LYPLAL1: variants seen among roughly 807,000 people sequenced by gnomAD.
LYPLAL1 encodes lysophospholipase like 1.
In LYPLAL1, 23 loss-of-function variants were observed where a neutral mutation model predicts 19.7. The ratio of observed to expected loss-of-function variants is 1.17; its 90% CI spans 0.84 to 1.65. The LOEUF is 1.65. Among genes scored for constraint, LYPLAL1 ranks in the 40% most tolerant of loss-of-function variants. LYPLAL1 has a pLI of 0.00. For missense variants in LYPLAL1, 355 were observed against 279.4 expected, an observed-to-expected ratio of 1.27 and a Z score of -1.93; for synonymous variants, 119 against 96.3, an observed-to-expected ratio of 1.24 and a Z score of -1.38.
Position 219,189,132 on chromosome 1 carries a change from T to C in LYPLAL1, c.192-3950T>C, listed in dbSNP as rs191409607. Among the ~76,000 whole-genome samples, 6 of 151,798 alleles carry C rather than the reference T, an allele frequency of 4.0e-5. No individual in the cohort carries two copies. The South Asian group carries it at 1.0e-3, about 26-fold the overall frequency. On this transcript the variant is annotated intron_variant, in intron 2 of 4. Coordinates refer to ENST00000366928, the MANE Select transcript of LYPLAL1 (RefSeq NM_138794.5). ...GCATCTATCTCTAATTAAGGCATTG[T>C]CAAAGAAAAAAGTTAAGTGAATGCC...
the LYPLAL1 span, among the ~76,000 whole-genome samples, chr1:219,434,498 C>T: frequency 1.3e-5 from 2 of 152,178 alleles, no homozygotes; most frequent in East Asian, 3.9e-4. Context: ...AAAGAGCTCT[C>T]CTCTGAATTT....
the LYPLAL1 span, among the ~76,000 whole-genome samples, chr1:219,302,592 T>C: frequency 6.6e-6 from 1 of 152,178 alleles, no homozygotes; most frequent in South Asian, 2.1e-4. Flanking sequence ...TTTTCATTTA[T>C]GGAATAAACA....
chr1:219,422,074 C>A, the LYPLAL1 span, among the ~76,000 whole-genome samples: 2 of 152,124 alleles, frequency 1.3e-5, no homozygotes, highest in Admixed American at 6.6e-5. Context: ...TTAAGAAACA[C>A]CACATACCAT....
the LYPLAL1 span, among the ~76,000 whole-genome samples, chr1:219,241,134 C>CTCTCTCTCTCTATATATA: frequency 1.5e-3 from 68 of 44,334 alleles, no homozygotes; most frequent in East Asian, 7.4e-3. Flanking sequence ...CTCTCTCTCT[C>CTCTCTCTCTCTATATATA]TATATATATA....
At chr1:219,411,428 A>C in the LYPLAL1 span, among the ~76,000 whole-genome samples, 1 of 152,028 alleles carries the variant, frequency 6.6e-6, no homozygotes, top group Non-Finnish European at 1.5e-5. Context: ...TGTGTGTGGA[A>C]ACTCTGTATC....
the LYPLAL1 span, among the ~76,000 whole-genome samples, chr1:219,440,461 C>T: frequency 6.6e-6 from 1 of 151,990 alleles, no homozygotes; most frequent in Non-Finnish European, 1.5e-5. Flanking sequence ...GAAAACATAA[C>T]ATCAAAGACC....
chr1:219,221,438 A>C, the LYPLAL1 span, among the ~76,000 whole-genome samples: 1 of 152,178 alleles, frequency 6.6e-6, no homozygotes, highest in Non-Finnish European at 1.5e-5. Flanking sequence ...CTATTTGACA[A>C]GTGAGCTTTT....
At chr1:219,324,461 C>T in the LYPLAL1 span, among the ~76,000 whole-genome samples, 4 of 152,138 alleles carry the variant, frequency 2.6e-5, no homozygotes, top group Admixed American at 2.0e-4. Context: ...GGTAGTGACT[C>T]GGCCCCTCTC....
At chr1:219,229,451 C>G in the LYPLAL1 span, among the ~76,000 whole-genome samples, 4 of 152,186 alleles carry the variant, frequency 2.6e-5, no homozygotes, top group Non-Finnish European at 4.4e-5. Context: ...GCTCCCCCAT[C>G]TGCTGAGAGC....
At chr1:219,197,268 A>G (rs1208506665) in intron 3 of LYPLAL1, among the ~76,000 whole-genome samples, 4 of 152,194 alleles carry the variant, frequency 2.6e-5, no homozygotes, top group African/African-American at 9.6e-5. Flanking sequence ...TGGCACTGGT[A>G]CAAAAACAGA....
At chr1:219,257,993 A>G in the LYPLAL1 span, among the ~76,000 whole-genome samples, 3 of 152,004 alleles carry the variant, frequency 2.0e-5, no homozygotes, top group African/African-American at 7.2e-5. Context: ...ACTTGCTGGG[A>G]AAAGAATTCA....
At chr1:219,239,643 A>G in the LYPLAL1 span, among the ~76,000 whole-genome samples, 1 of 152,220 alleles carries the variant, frequency 6.6e-6, no homozygotes, top group Non-Finnish European at 1.5e-5. Context: ...TTTAGGTATT[A>G]TATTCCAATT....
At chr1:219,274,315 C>T in the LYPLAL1 span, among the ~76,000 whole-genome samples, 2 of 152,130 alleles carry the variant, frequency 1.3e-5, no homozygotes, top group Admixed American at 6.5e-5. Context: ...CAAAAGGACA[C>T]CCAGAAATGA....
chr1:219,190,216 A>G (rs1657042921), intron 2 of LYPLAL1, among the ~76,000 whole-genome samples: 1 of 151,606 alleles, frequency 6.6e-6, no homozygotes, highest in Non-Finnish European at 1.5e-5. Context: ...ATTAGAGGGA[A>G]GTCAGTTCAT....
chr1:219,388,410 G>A, the LYPLAL1 span, among the ~76,000 whole-genome samples: 3 of 152,098 alleles, frequency 2.0e-5, no homozygotes, highest in African/African-American at 7.2e-5. Flanking sequence ...CCACGCATAA[G>A]TTACAGGTTG....
the LYPLAL1 span, among the ~76,000 whole-genome samples, chr1:219,316,185 T>C: frequency 6.6e-6 from 1 of 152,214 alleles, no homozygotes. Flanking sequence ...AAATGTTTTT[T>C]CTGCATCAAT....
At chr1:219,383,203 A>G in the LYPLAL1 span, among the ~76,000 whole-genome samples, 1 of 152,248 alleles carries the variant, frequency 6.6e-6, no homozygotes, top group Non-Finnish European at 1.5e-5. Context: ...ACTAAAGCAT[A>G]TTCACTTGTC....
the LYPLAL1 span, among the ~76,000 whole-genome samples, chr1:219,308,300 TAAA>T: frequency 1.3e-5 from 2 of 152,158 alleles, no homozygotes; most frequent in African/African-American, 4.8e-5. Context: ...AAGCATAATA[TAAA>T]AGTTTGGAAA....
the LYPLAL1 span, among the ~76,000 whole-genome samples, chr1:219,297,268 A>G: frequency 6.6e-6 from 1 of 152,238 alleles, no homozygotes; most frequent in Non-Finnish European, 1.5e-5. Flanking sequence ...TTGGAATTGT[A>G]CAAACTGTAT....
Sources: gnomAD v4.1 joint callset for allele counts (sites outside exome capture counted in the v4.1 genomes callset) on GRCh38, gnomAD v4.1.1 for gene constraint, MANE v1.5 for transcripts, NCBI Gene and HGNC (gene_info 2026-07-23, HGNC 2026-07-21) for gene names.